Variants in MRPL45 observed in about 807,000 individuals in gnomAD.
MRPL45 encodes the protein large ribosomal subunit protein mL45.
In MRPL45, 20 loss-of-function variants were observed where a neutral mutation model predicts 38.1. The observed-to-expected ratio is 0.53, with a 90% CI of 0.37 to 0.76. The LOEUF (loss-of-function observed/expected upper bound fraction) is 0.76, where lower values mean the gene tolerates loss of function less well. Ranked by LOEUF, MRPL45 falls within the 30% of genes least tolerant of loss-of-function variation. The pLI, the probability that MRPL45 is intolerant of heterozygous loss-of-function variation, is 0.00. For synonymous variants in MRPL45, 105 were observed against 128.8 expected (o/e 0.82, Z 1.25); for missense variants, 337 against 395.6 (o/e 0.85, Z 1.26).
chr17:38,314,253 C>A (rs1160277913), intron 4 of MRPL45, among the ~76,000 whole-genome samples: 2 of 152,168 alleles, frequency 1.3e-5, no homozygotes, highest in African/African-American at 2.4e-5. Flanking sequence ...TACAGGCATG[C>A]GCCACCATGC....
intron 5 of MRPL45, among the ~76,000 whole-genome samples, chr17:38,319,736 G>C (rs773569425): frequency 6.6e-6 from 1 of 152,176 alleles, no homozygotes; most frequent in African/African-American, 2.4e-5. Flanking sequence ...TATATTGAGT[G>C]GTAACAGGAG....
chr17:38,299,898 G>T (rs1316143131), intron 3 of MRPL45, among the ~76,000 whole-genome samples: 1 of 151,042 alleles, frequency 6.6e-6, no homozygotes, highest in African/African-American at 2.4e-5. Context: ...CACCATGCCC[G>T]GCTAATTTTG....
intron 4 of MRPL45, among the ~76,000 whole-genome samples, chr17:38,311,684 C>CAAAAA (rs756151374): frequency 5.0e-4 from 46 of 92,288 alleles, no homozygotes; most frequent in African/African-American, 1.7e-3. Context: ...GACTCCGTCT[C>CAAAAA]AAAAAAAAAA....
At chr17:38,303,096 T>C (rs763805876) in intron 3 of MRPL45, among the ~76,000 whole-genome samples, 5 of 151,998 alleles carry the variant, frequency 3.3e-5, no homozygotes, top group Non-Finnish European at 7.4e-5. Flanking sequence ...ATTAATACTT[T>C]GATTAAATCA....
At chr17:38,317,092 G>A (rs925436938) in intron 4 of MRPL45, among the ~76,000 whole-genome samples, 2 of 152,090 alleles carry the variant, frequency 1.3e-5, no homozygotes, top group African/African-American at 2.4e-5. Context: ...CACCGCACCC[G>A]GCCCATAAAT....
intron 3 of MRPL45, among the ~76,000 whole-genome samples, chr17:38,304,555 T>A (rs998737175): frequency 3.9e-5 from 6 of 152,182 alleles, no homozygotes; most frequent in Admixed American, 1.3e-4. Flanking sequence ...TATTTTATTT[T>A]TTTTTTGAGA....
rs2036959522 is a variant in MRPL45, at chr17:38,298,518, T to C, written c.136T>C (p.Tyr46His). 1.2e-6 allele frequency: 2 copies of C among 1,613,838 alleles called. No homozygotes were observed. Among genetic ancestry groups the C allele is most frequent in the Non-Finnish European group, 1.7e-6 (2 of 1,179,884 alleles). Reference protein sequence around the residue: ...RTKKRFTPPIYQPKFKTEKEF... With the variant: ...RTKKRFTPPIHQPKFKTEKEF... ...TAAAAAACGTTTCACACCTCCTATT[T>C]ATCAACCTAAATTTAAAACAGAAAA... Residue 46 changes from tyrosine to histidine, a missense_variant, in exon 2 of 8, where the codon TAT becomes CAT. By Grantham distance (83) the Tyr-to-His change is moderately conservative. Around this residue, in one of 3 missense-constraint regions of MRPL45, gnomAD observed 60 missense variants for 109.6 expected, o/e 0.55. Transcript: ENST00000613675.
intron 4 of MRPL45, among the ~76,000 whole-genome samples, chr17:38,313,321 TATATATATATAC>T (rs1437983511): frequency 8.8e-4 from 31 of 35,040 alleles, no homozygotes; most frequent in African/African-American, 1.4e-3. Flanking sequence ...AATATATATA[TATATATATATAC>T]ATATATATAT....
intron 4 of MRPL45, among the ~76,000 whole-genome samples, chr17:38,307,170 A>T (rs1240066770): frequency 1.3e-5 from 2 of 151,928 alleles, no homozygotes; most frequent in African/African-American, 4.8e-5. Flanking sequence ...AGTAGCTGGG[A>T]TTACAGGTGC....
intron 3 of MRPL45, among the ~76,000 whole-genome samples, chr17:38,300,141 C>T (rs2036978078): frequency 1.3e-5 from 2 of 152,044 alleles, no homozygotes; most frequent in Admixed American, 6.6e-5. Flanking sequence ...GCCTCAGCCT[C>T]CCGAGTAGCT....
intron 4 of MRPL45, among the ~76,000 whole-genome samples, chr17:38,309,249 G>T (rs1466517750): frequency 6.7e-6 from 1 of 150,336 alleles, no homozygotes; most frequent in Non-Finnish European, 1.5e-5. Context: ...GGGTGTGGTG[G>T]CTCTCGCTTG....
At chr17:38,302,298 C>A (rs2037004791) in intron 3 of MRPL45, among the ~76,000 whole-genome samples, 1 of 151,210 alleles carries the variant, frequency 6.6e-6, no homozygotes, top group Non-Finnish European at 1.5e-5. Flanking sequence ...ACCAGCCTGG[C>A]CAACATGGTG....
chr17:38,303,101 A>G (rs1367156062), intron 3 of MRPL45, among the ~76,000 whole-genome samples: 1 of 152,062 alleles, frequency 6.6e-6, no homozygotes, highest in Admixed American at 6.6e-5. Context: ...TACTTTGATT[A>G]AATCAAATTC....
At chr17:38,318,571 A>C (rs1033353027) in intron 4 of MRPL45, 116 bp from the exon 5 acceptor site, 19 of 738,338 alleles carry the variant, frequency 2.6e-5, no homozygotes, top group Non-Finnish European at 4.1e-5. Context: ...CTTATACTAG[A>C]TGTGCCGAAA....
At chr17:38,309,536 A>AAAG (rs1555561573) in intron 4 of MRPL45, among the ~76,000 whole-genome samples, 7 of 146,928 alleles carry the variant, frequency 4.8e-5, no homozygotes, top group Admixed American at 4.0e-4. Flanking sequence ...AAAAAAAAAA[A>AAAG]AAAAAGATTT....
At chr17:38,319,317 G>GTGTA (rs1209699791) in intron 5 of MRPL45, among the ~76,000 whole-genome samples, 1 of 152,004 alleles carries the variant, frequency 6.6e-6, no homozygotes, top group Non-Finnish European at 1.5e-5. Context: ...TTACAGGTGT[G>GTGTA]AGCTACCGCA....
chr17:38,300,112 G>A lies in MRPL45; in HGVS notation c.362+644G>A, dbSNP rs551553573. ...TAACTCACTGCAACCTCTGCCTCCCGGGTTCAAGAGATTCTCCTGCCTCAG... is the reference window on the plus strand; with the variant it reads ...TAACTCACTGCAACCTCTGCCTCCCAGGTTCAAGAGATTCTCCTGCCTCAG... On this transcript the variant is annotated intron_variant, in intron 3 of 7. Transcript: ENST00000613675. Among the ~76,000 whole-genome samples, 34 of 151,582 alleles carry A rather than the reference G, an allele frequency of 2.2e-4. 1 individual carries two copies. In the South Asian group the frequency reaches 4.0e-3, roughly 18 times the overall value.
chr17:38,316,998 A>G (rs544309786), intron 4 of MRPL45, among the ~76,000 whole-genome samples: 18 of 152,112 alleles, frequency 1.2e-4, no homozygotes, highest in East Asian at 7.8e-4. Flanking sequence ...GGGTTTCACC[A>G]TGTTGGCCAG....
rs568770348 is a variant in MRPL45 at position 38,297,486 on chromosome 17, T to C, written c.66+237T>C. Among the ~76,000 whole-genome samples the C allele has an allele frequency of 9.9e-5, 15 of 152,126 alleles. No individual in the cohort carries two copies. In the East Asian group the frequency reaches 2.9e-3, roughly 29 times the overall value. On this transcript the variant is annotated intron_variant, in intron 1 of 7. Transcript: ENST00000613675. The stretch of plus-strand genomic sequence containing the variant: ...GGATATTAAGTTTTTCCGGATTGGT[T>C]TGGGTCTGTCTGGCGAGGAGATATT...
Sources: gnomAD v4.1 joint callset for allele counts (sites outside exome capture counted in the v4.1 genomes callset) on GRCh38, gnomAD v4.1.1 for gene constraint, gnomAD v4.1.1 regional missense constraint, MANE v1.5 for transcripts, NCBI Gene and HGNC (gene_info 2026-07-23, HGNC 2026-07-21) for gene names.